Variants in WDR59 observed in about 807,000 individuals in gnomAD.
WDR59 encodes the protein GATOR2 complex protein WDR59.
In WDR59, 100 loss-of-function variants were observed where a neutral mutation model predicts 131.2. The observed-to-expected ratio is 0.76, with a 90% CI of 0.65 to 0.90. The LOEUF (loss-of-function observed/expected upper bound fraction) is 0.90. WDR59 is among the 40% of genes least tolerant of loss of function. WDR59 has a pLI of 0.00. For missense variants in WDR59, 1,203 were observed against 1,262.2 expected (o/e 0.95, Z 0.71); for synonymous variants, 601 against 466.2 (o/e 1.29, Z -3.72).
chr16:74,879,390 G>A (rs1232411711), intron 25 of WDR59, among the ~76,000 whole-genome samples: 1 of 152,092 alleles, frequency 6.6e-6, no homozygotes, highest in Admixed American at 6.5e-5. Context: ...CAAATAAGCT[G>A]ACAGCATTAC....
intron 6 of WDR59, among the ~76,000 whole-genome samples, chr16:74,944,462 T>G (rs1466262956): frequency 1.5e-5 from 2 of 130,252 alleles, no homozygotes; most frequent in Non-Finnish European, 3.2e-5. Context: ...CAAGACTGTC[T>G]CAAAAAAAAA....
rs556545325 is a variant in WDR59, at chr16:74,872,674, G to A, written c.*1535C>T. ...ACACAGGCAAACACAGGCAGTTTGC[G>A]AGGGAGCCTAAAGGAAGAGTGAGGG... On this transcript the variant is annotated 3_prime_UTR_variant, in exon 26 of 26. Coordinates refer to ENST00000262144, the MANE Select transcript of WDR59 (RefSeq NM_030581.4). 2.1e-3 allele frequency: 324 copies of A among 152,274 alleles called. No individual in the cohort carries two copies. Among genetic ancestry groups the A allele is most frequent in the African/African-American group, 7.6e-3 (314 of 41,540 alleles). The allele number at this position is 152,274 out of a possible 1,614,324, so 9.4% of individuals were successfully genotyped here.
At chr16:74,896,367 C>A (rs2144848786) in intron 18 of WDR59, among the ~76,000 whole-genome samples, 1 of 152,320 alleles carries the variant, frequency 6.6e-6, no homozygotes, top group South Asian at 2.1e-4. Context: ...CAGTGGCTCA[C>A]ACCTGTAATC....
At chr16:74,982,621 T>C (rs1210598656) in intron 1 of WDR59, among the ~76,000 whole-genome samples, 2 of 152,238 alleles carry the variant, frequency 1.3e-5, no homozygotes, top group Non-Finnish European at 2.9e-5. Context: ...TACATGATTC[T>C]ATTCTGTCCT....
At position 74,912,189 on chromosome 16, in the gene WDR59, G is replaced by C; in HGVS notation, c.1389+9C>G. ...ACAGCAAGGAGAATTTGGGAACCCA[G>C]ACCCCCACCTTCAGCAGCTTAGCTT... On this transcript the variant is annotated intron_variant, in intron 14 of 25. Transcript: ENST00000262144. 1 of 1,614,150 alleles carries C rather than the reference G, an allele frequency of 6.2e-7. No individual in the cohort carries two copies. The highest frequency in any genetic ancestry group is 1.6e-4 in the Middle Eastern group (1 of 6,062).
intron 4 of WDR59, among the ~76,000 whole-genome samples, chr16:74,950,959 C>T (rs1312228420): frequency 6.7e-6 from 1 of 149,386 alleles, no homozygotes; most frequent in African/African-American, 2.5e-5. Context: ...AGTTCAAGAC[C>T]AGCCTGGCCA....
chr16:74,894,238 A>T (rs1340319836), intron 18 of WDR59, among the ~76,000 whole-genome samples: 2 of 152,202 alleles, frequency 1.3e-5, no homozygotes, highest in Non-Finnish European at 1.5e-5. Flanking sequence ...TTTGTTGAAA[A>T]TTTATTGCAG....
At chr16:74,964,193 A>G (rs900661608) in intron 2 of WDR59, among the ~76,000 whole-genome samples, 2 of 152,132 alleles carry the variant, frequency 1.3e-5, no homozygotes, top group Admixed American at 6.6e-5. Context: ...AGCCTGGCCA[A>G]TATGGTGAAA....
chr16:74,885,199 T>C (rs576071415), intron 25 of WDR59, among the ~76,000 whole-genome samples: 10 of 152,190 alleles, frequency 6.6e-5, no homozygotes, highest in African/African-American at 2.4e-4. Flanking sequence ...ACACCTGTAA[T>C]CCCAGCACTT....
Position 74,942,718 on chromosome 16 carries a change from C to CG in WDR59, c.534+19dup. 6.2e-7 allele frequency: 1 copy of CG among 1,611,448 alleles called. No homozygotes were observed. On this transcript the variant is annotated intron_variant, in intron 7 of 25. Coordinates refer to ENST00000262144, the MANE Select transcript of WDR59 (RefSeq NM_030581.4). ...GGGAGGGATCAAAGACCAATAAGGG[C>CG]GAAAAAAGAGATTACTCACCCTCTT...
chr16:74,970,525 A>AAAAAAAAAAAAAAAAAAAAAC (rs2033941794), intron 1 of WDR59, among the ~76,000 whole-genome samples: 1 of 143,872 alleles, frequency 7.0e-6, no homozygotes, highest in Non-Finnish European at 1.5e-5. Flanking sequence ...AAAAAAAAAA[A>AAAAAAAAAAAAAAAAAAAAAC]AAGCAGCTCT....
intron 1 of WDR59, among the ~76,000 whole-genome samples, chr16:74,973,387 AG>A (rs1399926899): frequency 6.6e-6 from 1 of 152,182 alleles, no homozygotes; most frequent in African/African-American, 2.4e-5. Context: ...CCTGGGCTCA[AG>A]CAATTCTCCT....
At chr16:74,904,257 C>T in intron 17 of WDR59, 157 bp from the exon 18 acceptor site, 1 of 815,430 alleles carries the variant, frequency 1.2e-6, no homozygotes, top group Non-Finnish European at 1.9e-6. Context: ...CTGAAAAATG[C>T]TTTATCTGCA....
intron 10 of WDR59, among the ~76,000 whole-genome samples, chr16:74,918,678 C>T (rs1597715347): frequency 6.6e-6 from 1 of 152,316 alleles, no homozygotes; most frequent in South Asian, 2.1e-4. Flanking sequence ...AAGATCAGGA[C>T]ATTTGCGGAT....
intron 18 of WDR59, among the ~76,000 whole-genome samples, chr16:74,900,401 G>A (rs1965497434): frequency 6.6e-6 from 1 of 152,182 alleles, no homozygotes; most frequent in African/African-American, 2.4e-5. Flanking sequence ...ATGAGTATCT[G>A]TTTACGGAGA....
At chr16:74,909,377 A>G (rs1965971257) in intron 16 of WDR59, 124 bp downstream of exon 16, 16 of 1,258,964 alleles carry the variant, frequency 1.3e-5, no homozygotes, top group Non-Finnish European at 3.1e-6. Flanking sequence ...GCTACCATGA[A>G]AGTCTCGTTT....
At chr16:74,944,457 CTG>C (rs2032458674) in intron 6 of WDR59, among the ~76,000 whole-genome samples, 1 of 144,564 alleles carries the variant, frequency 6.9e-6, no homozygotes. Context: ...CAGAGCAAGA[CTG>C]TCTCAAAAAA....
Position 74,912,568 on chromosome 16 carries a change from T to A in WDR59, c.1225-206A>T, listed in dbSNP as rs146460517. On this transcript the variant is annotated intron_variant, in intron 13 of 25. Coordinates refer to ENST00000262144, the MANE Select transcript of WDR59 (RefSeq NM_030581.4). ...TCTTAAAATTTTCAAACCAATGGAA[T>A]AAGCTCAAAGTTGCTGAGACCAGCT... 1.7e-4 allele frequency among the ~76,000 whole-genome samples: 26 copies of A among 152,292 alleles called. 2 individuals are homozygous for A. Among genetic ancestry groups the A allele is most frequent in the South Asian group, 1.0e-3 (5 of 4,824 alleles).
intron 17 of WDR59, among the ~76,000 whole-genome samples, chr16:74,904,692 A>C (rs1288118764): frequency 6.6e-6 from 1 of 152,246 alleles, no homozygotes; most frequent in Non-Finnish European, 1.5e-5. Flanking sequence ...TTATTGAAAG[A>C]CCTAGAACAG....
Sources: gnomAD v4.1 joint callset for allele counts (sites outside exome capture counted in the v4.1 genomes callset) on GRCh38, gnomAD v4.1.1 for gene constraint, MANE v1.5 for transcripts, NCBI Gene and HGNC (gene_info 2026-07-23, HGNC 2026-07-21) for gene names.